Variants in KCNIP4 observed in about 807,000 individuals in gnomAD.
The protein encoded by KCNIP4 is potassium voltage-gated channel interacting protein 4.
In KCNIP4, 12 loss-of-function variants were observed where a neutral mutation model predicts 34.0. The ratio of observed to expected loss-of-function variants is 0.35; its 90% confidence interval spans 0.23 to 0.57. The LOEUF is 0.57. KCNIP4 is among the 20% of genes least tolerant of loss of function. The pLI, the probability that KCNIP4 is intolerant of heterozygous loss-of-function variation, is 0.83. For missense variants in KCNIP4, 238 were observed against 311.7 expected (o/e 0.76, Z 1.78); for synonymous variants, 124 against 102.2 (o/e 1.21, Z -1.29).
At chr4:21,901,376 C>T (rs1727697537) in intron 1 of KCNIP4, among the ~76,000 whole-genome samples, 1 of 152,172 alleles carries the variant, frequency 6.6e-6, no homozygotes, top group Non-Finnish European at 1.5e-5. Context: ...CCTGAGGGGC[C>T]ACTGCTTTTA....
intron 1 of KCNIP4, among the ~76,000 whole-genome samples, chr4:21,292,005 G>A (rs562722359): frequency 4.6e-5 from 7 of 152,012 alleles, no homozygotes; most frequent in African/African-American, 1.4e-4. Flanking sequence ...AGAAAATTCC[G>A]TCTATGTATT....
At chr4:21,776,329 A>G (rs995460623) in intron 1 of KCNIP4, among the ~76,000 whole-genome samples, 16 of 150,674 alleles carry the variant, frequency 1.1e-4, no homozygotes, top group Non-Finnish European at 1.5e-4. Context: ...CATACTTACT[A>G]TGGTTTTTTT....
chr4:21,303,741 T>C, intron 1 of KCNIP4: 2 of 1,310,402 alleles, frequency 1.5e-6, no homozygotes, highest in Non-Finnish European at 2.2e-6. Flanking sequence ...GCCTCTTACA[T>C]TCACCTAAGA....
rs1420874011 is a variant in KCNIP4 at position 21,234,378 on chromosome 4, C to T, written c.62-351669G>A. ...TATAACATATATAATATATAACATA[C>T]ATCATACATAACATATATAATATAT... On this transcript the variant is annotated intron_variant, in intron 1 of 8. Transcript: ENST00000382152. Among the ~76,000 whole-genome samples the T allele has an allele frequency of 2.7e-4, 33 of 121,144 alleles. 3 individuals are homozygous for T. The highest frequency in any genetic ancestry group is 3.6e-4 in the Non-Finnish European group (23 of 63,226). 79.5% of individuals were successfully genotyped at this position (121,144 alleles called of 152,430 possible).
At chr4:20,876,095 A>G (rs1865447) in intron 2 of KCNIP4, among the ~76,000 whole-genome samples, 1 of 152,122 alleles carries the variant, frequency 6.6e-6, no homozygotes, top group African/African-American at 2.4e-5. Flanking sequence ...TTAGTGAATC[A>G]ATTATTTTGA....
chr4:21,749,103 AT>A (rs1272546103), intron 1 of KCNIP4, among the ~76,000 whole-genome samples: 1 of 152,164 alleles, frequency 6.6e-6, no homozygotes, highest in Admixed American at 6.6e-5. Context: ...TAAAAATATA[AT>A]GTGGCAAATT....
intron 1 of KCNIP4, among the ~76,000 whole-genome samples, chr4:20,982,725 T>C (rs1158214): frequency 1.3e-5 from 2 of 152,232 alleles, no homozygotes; most frequent in East Asian, 3.9e-4. Context: ...AGAAACAACC[T>C]GTATACCGGA....
chr4:21,653,010 C>A (rs1232543069), intron 1 of KCNIP4, among the ~76,000 whole-genome samples: 1 of 152,134 alleles, frequency 6.6e-6, no homozygotes, highest in Non-Finnish European at 1.5e-5. Context: ...GGAAAGGGAA[C>A]CACAAACAGA....
At chr4:21,782,511 T>C (rs902908265) in intron 1 of KCNIP4, among the ~76,000 whole-genome samples, 1 of 152,114 alleles carries the variant, frequency 6.6e-6, no homozygotes, top group Non-Finnish European at 1.5e-5. Context: ...CTGAGCTACA[T>C]GGTGAGACTC....
chr4:21,191,264 A>G (rs968924524), intron 1 of KCNIP4, among the ~76,000 whole-genome samples: 15 of 152,354 alleles, frequency 9.8e-5, no homozygotes, highest in Admixed American at 8.5e-4. Flanking sequence ...CAAAGGGAGA[A>G]GAAATCGTGT....
intron 1 of KCNIP4, among the ~76,000 whole-genome samples, chr4:21,021,611 CACA>C (rs1179660282): frequency 6.6e-6 from 1 of 152,104 alleles, no homozygotes; most frequent in African/African-American, 2.4e-5. Flanking sequence ...AAGACACAAA[CACA>C]ACATTAGCCT....
chr4:21,777,664 T>G (rs992581183), intron 1 of KCNIP4, among the ~76,000 whole-genome samples: 4 of 152,172 alleles, frequency 2.6e-5, no homozygotes, highest in Non-Finnish European at 5.9e-5. Context: ...ACTCCTATTG[T>G]GAACTCTACC....
At chr4:20,973,168 A>G (rs1735143124) in intron 1 of KCNIP4, among the ~76,000 whole-genome samples, 1 of 152,200 alleles carries the variant, frequency 6.6e-6, no homozygotes, top group Non-Finnish European at 1.5e-5. Context: ...ATCTTCTCCC[A>G]ATAGAAGGTT....
chr4:21,819,953 G>T (rs1290368755), intron 1 of KCNIP4, among the ~76,000 whole-genome samples: 1 of 151,894 alleles, frequency 6.6e-6, no homozygotes, highest in Non-Finnish European at 1.5e-5. Flanking sequence ...TAAAATACTG[G>T]AGCAATGCCC....
intron 1 of KCNIP4, among the ~76,000 whole-genome samples, chr4:21,897,793 G>A (rs1474369372): frequency 5.3e-5 from 8 of 152,078 alleles, no homozygotes; most frequent in Admixed American, 2.0e-4. Context: ...AACTTCATAA[G>A]AACCAAAAAT....
At chr4:21,641,274 A>C (rs1746594606) in intron 1 of KCNIP4, among the ~76,000 whole-genome samples, 1 of 152,140 alleles carries the variant, frequency 6.6e-6, no homozygotes, top group Non-Finnish European at 1.5e-5. Context: ...CATGTGGAGT[A>C]CTCCACTGTC....
At chr4:20,752,456 T>A (rs1431639402) in intron 4 of KCNIP4, 1 of 152,216 alleles carries the variant, frequency 6.6e-6, no homozygotes, top group Non-Finnish European at 1.5e-5. Context: ...TATTAGCTAT[T>A]ATTATTTCCT....
intron 1 of KCNIP4, among the ~76,000 whole-genome samples, chr4:21,258,763 C>T (rs190564589): frequency 4.7e-4 from 71 of 152,160 alleles, no homozygotes; most frequent in African/African-American, 1.6e-3. Context: ...AATCGCTTCC[C>T]TACCCCTACT....
At chr4:20,750,450 C>A (rs374308540) in intron 4 of KCNIP4, among the ~76,000 whole-genome samples, 2 of 152,058 alleles carry the variant, frequency 1.3e-5, no homozygotes, top group African/African-American at 4.8e-5. Flanking sequence ...GTAGGGAGCC[C>A]CTACTCTGTC....
Sources: gnomAD v4.1 joint callset for allele counts (sites outside exome capture counted in the v4.1 genomes callset) on GRCh38, gnomAD v4.1.1 for gene constraint, MANE v1.5 for transcripts, NCBI Gene and HGNC (gene_info 2026-07-23, HGNC 2026-07-21) for gene names.